The following BTAF1 variants were observed in gnomAD, a reference collection of about 807,000 sequenced individuals.
The protein encoded by BTAF1 is B-TFIID TATA-box binding protein associated factor 1.
BTAF1 carries 38 observed loss-of-function variants against 227.1 expected under a neutral mutation model. The ratio of observed to expected loss-of-function variants is 0.17; its 90% CI spans 0.13 to 0.22. The LOEUF is 0.22. BTAF1 is among the 10% of genes least tolerant of loss of function. BTAF1 has a pLI of 1.00. For synonymous variants in BTAF1, 742 were observed against 751.9 expected, an observed-to-expected ratio of 0.99 and a Z score of 0.21; for missense variants, 1,598 against 2,204.0, an observed-to-expected ratio of 0.73 and a Z score of 5.51.
At chr10:91,952,868 C>T (rs1589794960) in intron 5 of BTAF1, among the ~76,000 whole-genome samples, 2 of 152,080 alleles carry the variant, frequency 1.3e-5, no homozygotes, top group Non-Finnish European at 2.9e-5. Context: ...AATATGATCA[C>T]AGTATGGGTA....
At chr10:92,012,394 T>TA (rs1183626839) in intron 30 of BTAF1, among the ~76,000 whole-genome samples, 2 of 137,900 alleles carry the variant, frequency 1.5e-5, no homozygotes, top group African/African-American at 5.5e-5. Context: ...CCACAAGTGT[T>TA]AGTGTTCTGT....
chr10:92,028,736 T>C, intron 37 of BTAF1, 54 bp from the exon 38 acceptor site: 1 of 1,500,594 alleles, frequency 6.7e-7, no homozygotes. Flanking sequence ...AAAATACAAT[T>C]TGTGAAGTTA....
intron 33 of BTAF1, among the ~76,000 whole-genome samples, chr10:92,017,259 T>A (rs1461646902): frequency 6.6e-6 from 1 of 152,104 alleles, no homozygotes; most frequent in Non-Finnish European, 1.5e-5. Context: ...TGAGCAAAGA[T>A]CTGAAGGAGG....
chr10:92,005,236 G>GT (rs74317359), intron 25 of BTAF1, among the ~76,000 whole-genome samples: 21,077 of 151,490 alleles, frequency 0.14, 1,744 homozygotes, highest in East Asian at 0.22. Context: ...TTCCACATGA[G>GT]TTTTTTTGTT....
At chr10:92,021,180 T>C (rs1029926361) in intron 34 of BTAF1, among the ~76,000 whole-genome samples, 6 of 152,240 alleles carry the variant, frequency 3.9e-5, no homozygotes, top group Admixed American at 1.3e-4. Flanking sequence ...GGTAGAAACA[T>C]GTTTATCAGC....
intron 25 of BTAF1, among the ~76,000 whole-genome samples, chr10:92,002,400 T>C (rs1431029883): frequency 6.6e-6 from 1 of 152,144 alleles, no homozygotes; most frequent in Admixed American, 6.5e-5. Flanking sequence ...TTTATGGACA[T>C]TGGAGTGAGA....
chr10:91,947,357 T>A (rs904351412), intron 4 of BTAF1, among the ~76,000 whole-genome samples: 1 of 152,084 alleles, frequency 6.6e-6, no homozygotes, highest in Non-Finnish European at 1.5e-5. Flanking sequence ...TTTTTAGTTA[T>A]TTTATCGATT....
At chr10:91,961,647 T>C (rs1589817794) in intron 11 of BTAF1, among the ~76,000 whole-genome samples, 2 of 152,310 alleles carry the variant, frequency 1.3e-5, no homozygotes, top group Middle Eastern at 6.8e-3. Flanking sequence ...TTCTGCACTC[T>C]AGCCTCTGTA....
Position 91,992,272 on chromosome 10 carries a change from C to T in BTAF1, c.3008C>T (p.Ala1003Val), listed in dbSNP as rs745766265. The change falls in exon 21 of 38, where the codon GCA becomes GTA. Residue 1003 changes from alanine to valine, a missense_variant. Coordinates refer to ENST00000265990, the MANE Select transcript of BTAF1 (RefSeq NM_003972.3). Reference sequence around the variant, plus strand: ...AAAGCTCAAATAGCAGATCTTCCTGCAGGAAGTAGTGGAAATATTCTTGTT... The same window carrying T: ...AAAGCTCAAATAGCAGATCTTCCTGTAGGAAGTAGTGGAAATATTCTTGTT... ...AVKAQIADLP[A>V]GSSGNILVEL... 3 of 1,611,848 alleles carry T rather than the reference C, an allele frequency of 1.9e-6. No individual in the cohort carries two copies. Among genetic ancestry groups the T allele is most frequent in the East Asian group, 2.2e-5 (1 of 44,834 alleles).
In BTAF1 at chr10:91,993,783, G is replaced by A. The variant is rs772706640; in HGVS notation, c.3135G>A (p.Lys1045=). Residue 1045 remains lysine, a synonymous_variant, in exon 22 of 38, where the codon AAG becomes AAA. Coordinates refer to ENST00000265990, the MANE Select transcript of BTAF1 (RefSeq NM_003972.3). ...ATTTTGGTGGTGAAATGGCAGTGAA[G>A]TTGCCACATCTCTGGGATGCTATGG... ...VKHFGGEMAV[K]LPHLWDAMVG... 3.1e-6 allele frequency: 5 copies of A among 1,609,150 alleles called. No individual in the cohort carries two copies. Among genetic ancestry groups the A allele is most frequent in the East Asian group, 4.5e-5 (2 of 44,828 alleles).
rs1851780899 is a variant in BTAF1, at chr10:92,029,867, A to G, written c.*934A>G. The G allele has an allele frequency of 6.6e-6, 1 of 152,538 alleles. No homozygotes were observed. The highest frequency in any genetic ancestry group is 1.5e-5 in the Non-Finnish European group (1 of 67,954). 9.4% of individuals were successfully genotyped at this position (152,538 alleles called of 1,614,324 possible). ...TACATGAATATGCATATCTATATGC[A>G]TAGATGTACCTATCCTGCACCCAAA... is the stretch of plus-strand genomic sequence containing the variant. On this transcript the variant is annotated 3_prime_UTR_variant, in exon 38 of 38. Transcript: ENST00000265990.
intron 21 of BTAF1, among the ~76,000 whole-genome samples, chr10:91,992,551 G>T (rs1410330037): frequency 2.6e-5 from 4 of 152,164 alleles, no homozygotes; most frequent in Non-Finnish European, 5.9e-5. Context: ...AACTAATTCA[G>T]TCCTATAGCA....
intron 9 of BTAF1, 83 bp downstream of exon 9, chr10:91,959,237 C>A: frequency 2.5e-6 from 4 of 1,589,514 alleles, no homozygotes; most frequent in East Asian, 2.3e-5. Flanking sequence ...GAGTATGTGC[C>A]GTGAAGTAGG....
At chr10:91,935,862 A>G in intron 2 of BTAF1, 82 bp downstream of exon 2, 6 of 1,228,958 alleles carry the variant, frequency 4.9e-6, no homozygotes, top group Non-Finnish European at 6.5e-6. Context: ...AAAGGTAAAC[A>G]TCATCTTAAT....
intron 1 of BTAF1, chr10:91,935,185 C>G (rs1844524143): frequency 6.6e-6 from 1 of 152,556 alleles, no homozygotes; most frequent in Non-Finnish European, 1.5e-5. Context: ...TACACATATA[C>G]AATGTAATGA....
chr10:92,003,655 G>A (rs1235802222), intron 25 of BTAF1, among the ~76,000 whole-genome samples: 2 of 152,100 alleles, frequency 1.3e-5, no homozygotes, highest in East Asian at 1.9e-4. Context: ...TCACATAGAC[G>A]AACACTTGGG....
At position 92,028,986 on chromosome 10, in the gene BTAF1, T is replaced by C; in HGVS notation, c.*53T>C. On this transcript the variant is annotated 3_prime_UTR_variant, in exon 38 of 38. Transcript: ENST00000265990. ...GCTAGTTCAGTTACATTTCTGCTGA[T>C]ATTCAGCAAATTTCTAAGTTTATGG... is the stretch of plus-strand genomic sequence containing the variant. The C allele has an allele frequency of 2.7e-6, 4 of 1,488,084 alleles. No individual in the cohort carries two copies. The highest frequency in any genetic ancestry group is 3.6e-6 in the Non-Finnish European group (4 of 1,107,414). 92.2% of individuals were successfully genotyped at this position (1,488,084 alleles called of 1,614,324 possible).
chr10:92,027,398 A>G, intron 37 of BTAF1, 98 bp downstream of exon 37: 1 of 1,110,644 alleles, frequency 9.0e-7, no homozygotes, highest in Non-Finnish European at 1.3e-6. Flanking sequence ...CGTTTACTTT[A>G]GTATCCATGA....
At chr10:91,955,032 A>C (rs1846003206) in intron 6 of BTAF1, among the ~76,000 whole-genome samples, 1 of 152,262 alleles carries the variant, frequency 6.6e-6, no homozygotes, top group Non-Finnish European at 1.5e-5. Flanking sequence ...TTTAGTGTTT[A>C]AAAGCTAGGC....
Sources: allele counts gnomAD v4.1 joint callset (sites outside exome capture counted in the v4.1 genomes callset), GRCh38; gene constraint gnomAD v4.1.1; transcripts MANE v1.5; gene names NCBI Gene and HGNC (gene_info 2026-07-23, HGNC 2026-07-21).